Variants in TGS1 observed in about 807,000 individuals in gnomAD.
TGS1 encodes trimethylguanosine synthase 1, also known as trimethylguanosine synthase.
TGS1 carries 69 observed loss-of-function variants against 92.2 expected under a neutral mutation model. The ratio of observed to expected loss-of-function variants is 0.75; its 90% CI spans 0.62 to 0.91. TGS1 has a LOEUF of 0.91. TGS1 is among the 40% of genes least tolerant of loss of function. The pLI, the probability that TGS1 is intolerant of heterozygous loss-of-function variation, is 0.00. For synonymous variants in TGS1, 345 were observed against 338.1 expected (o/e 1.02, Z -0.22); for missense variants, 1,062 against 1,001.2 (o/e 1.06, Z -0.82).
At chr8:55,780,160 C>CTTTTTTTTTTTTTTTTTTTTTTTTT (rs56871302) in intron 1 of TGS1, among the ~76,000 whole-genome samples, 3 of 130,954 alleles carry the variant, frequency 2.3e-5, no homozygotes, top group Non-Finnish European at 3.2e-5. Flanking sequence ...TCTGGCATGG[C>CTTTTTTTTTTTTTTTTTTTTTTTTT]TTTTTTTTTT....
chr8:55,781,650 C>G (rs1811565071), intron 1 of TGS1, among the ~76,000 whole-genome samples: 2 of 152,204 alleles, frequency 1.3e-5, no homozygotes, highest in Non-Finnish European at 2.9e-5. Context: ...GCTGCCAAAG[C>G]ACATTTGCAC....
intron 12 of TGS1, among the ~76,000 whole-genome samples, chr8:55,821,283 A>C (rs781582006): frequency 1.3e-5 from 2 of 152,216 alleles, no homozygotes; most frequent in Non-Finnish European, 2.9e-5. Flanking sequence ...TCCCAGCCAG[A>C]ATGTAAAATT....
chr8:55,824,746 A>C lies in TGS1; in HGVS notation c.*43A>C. ...GACAAAAGATCATGGAGTGGTCAAA[A>C]TATTCAGATGAGACATTTGGCATGT... On this transcript the variant is annotated 3_prime_UTR_variant, in exon 13 of 13. Coordinates refer to ENST00000260129, the MANE Select transcript of TGS1 (RefSeq NM_024831.8). The C allele has an allele frequency of 6.2e-7, 1 of 1,608,472 alleles. No individual in the cohort carries two copies. Among genetic ancestry groups the C allele is most frequent in the Non-Finnish European group, 8.5e-7 (1 of 1,176,688 alleles).
At chr8:55,818,494 T>TGGTG (rs1208524730) in intron 12 of TGS1, among the ~76,000 whole-genome samples, 1 of 152,208 alleles carries the variant, frequency 6.6e-6, no homozygotes, top group Non-Finnish European at 1.5e-5. Context: ...AATCAGTGCT[T>TGGTG]AATCATACAC....
Position 55,795,838 on chromosome 8 carries a change from A to G in TGS1, c.1368-140A>G. ...TCAACTCTTCTGCAAGTTGAACTTG[A>G]TTTTATCATTTTCATAATTTTAAAA... On this transcript the variant is annotated intron_variant, in intron 6 of 12. Transcript: ENST00000260129. The G allele has an allele frequency of 9.8e-6, 7 of 714,374 alleles. No homozygotes were observed. In the South Asian group the frequency reaches 1.2e-4, roughly 13 times the overall value. The allele number at this position is 714,374 out of a possible 1,614,324, so 44.3% of individuals were successfully genotyped here. A position where few individuals can be genotyped will look rare whatever the true frequency, so the allele number is the denominator to read the frequency against.
At chr8:55,811,401 G>T (rs1009978460) in intron 11 of TGS1, among the ~76,000 whole-genome samples, 1 of 152,072 alleles carries the variant, frequency 6.6e-6, no homozygotes, top group Admixed American at 6.5e-5. Flanking sequence ...GGCAGAGGTT[G>T]CAGTGATCTG....
At chr8:55,806,261 CAA>C (rs1160223711) in intron 10 of TGS1, among the ~76,000 whole-genome samples, 1 of 140,030 alleles carries the variant, frequency 7.1e-6, no homozygotes, top group East Asian at 2.2e-4. Context: ...GAGGCTGAGA[CAA>C]GAGAATCGCA....
chr8:55,797,909 A>G (rs190584181), intron 7 of TGS1, among the ~76,000 whole-genome samples: 7 of 152,234 alleles, frequency 4.6e-5, no homozygotes, highest in African/African-American at 1.7e-4. Flanking sequence ...CTACATATAT[A>G]TAGCTGGTTT....
chr8:55,784,452 A>G (rs1811653576), intron 2 of TGS1, among the ~76,000 whole-genome samples: 1 of 152,114 alleles, frequency 6.6e-6, no homozygotes, highest in East Asian at 1.9e-4. Context: ...AAGTAGCAGG[A>G]ACTACAGGCA....
At chr8:55,799,563 G>A (rs1432433465) in intron 8 of TGS1, among the ~76,000 whole-genome samples, 2 of 152,084 alleles carry the variant, frequency 1.3e-5, no homozygotes, top group Admixed American at 6.5e-5. Context: ...CGTATGTGGT[G>A]TAGCTTTGGT....
At chr8:55,805,751 G>A (rs1812347693) in intron 10 of TGS1, among the ~76,000 whole-genome samples, 1 of 151,984 alleles carries the variant, frequency 6.6e-6, no homozygotes, top group South Asian at 2.1e-4. Context: ...GGGCATGGTG[G>A]CATGCATCTG....
chr8:55,818,416 G>T (rs1803543263), intron 12 of TGS1, among the ~76,000 whole-genome samples: 1 of 152,158 alleles, frequency 6.6e-6, no homozygotes, highest in Admixed American at 6.5e-5. Flanking sequence ...AAAGTGCTGG[G>T]ATTACAGGTG....
At chr8:55,784,144 T>C (rs541652132) in intron 2 of TGS1, among the ~76,000 whole-genome samples, 25 of 152,322 alleles carry the variant, frequency 1.6e-4, no homozygotes, top group African/African-American at 6.0e-4. Flanking sequence ...CCAATGCTAA[T>C]TGAGTGTGCT....
At position 55,822,284 on chromosome 8, in the gene TGS1, A is replaced by G. The variant is rs143511615; in HGVS notation, c.2440-2297A>G. 3.7e-3 allele frequency among the ~76,000 whole-genome samples: 563 copies of G among 151,942 alleles called. 2 individuals carry two copies. Among genetic ancestry groups the G allele is most frequent in the Middle Eastern group, 0.01 (3 of 294 alleles). On this transcript the variant is annotated intron_variant, in intron 12 of 12. Coordinates refer to ENST00000260129, the MANE Select transcript of TGS1 (RefSeq NM_024831.8). ...ACGGGGTTTTACCTTGTTTGCCAGG[A>G]TGGTCTCGATCTCCTGACCTCGTGA... is the stretch of plus-strand genomic sequence containing the variant.
At chr8:55,810,155 T>G (rs1206630173) in intron 10 of TGS1, among the ~76,000 whole-genome samples, 1 of 152,242 alleles carries the variant, frequency 6.6e-6, no homozygotes, top group African/African-American at 2.4e-5. Context: ...ACGGTTACAC[T>G]TAGCCCTTTC....
chr8:55,803,948 C>A (rs1049116977), intron 9 of TGS1, among the ~76,000 whole-genome samples: 1 of 152,092 alleles, frequency 6.6e-6, no homozygotes, highest in Non-Finnish European at 1.5e-5. Flanking sequence ...CCCAGCACAT[C>A]ATTTTGTTCA....
rs768220739 is a variant in TGS1, at chr8:55,792,768, T to C, written c.1351T>C (p.Tyr451His). The C allele has an allele frequency of 1.9e-6, 3 of 1,613,114 alleles. No individual in the cohort carries two copies. The Admixed American group carries it at 5.0e-5, about 27-fold the overall frequency. Reference sequence around the variant, plus strand: ...CAGTGGTTCCCTTCTAGGATTCAAGTATGGCTCAGGACAAAAGTAATTATT... The same window carrying C: ...CAGTGGTTCCCTTCTAGGATTCAAGCATGGCTCAGGACAAAAGTAATTATT... ...DDSGSLLGFKYGSGQKYGGIP... is the reference protein window; with the variant it reads ...DDSGSLLGFKHGSGQKYGGIP... The change falls in exon 6 of 13, where the codon TAT (tyrosine) becomes CAT (histidine). Residue 451 changes from tyrosine (Y) to histidine (H), a missense_variant. Tyr to His is a moderately conservative substitution (Grantham distance 83, BLOSUM62 2). Transcript: ENST00000260129.
At chr8:55,806,365 AAAAAAAAAAAAAGAC>A (rs1812372422) in intron 10 of TGS1, among the ~76,000 whole-genome samples, 1 of 146,856 alleles carries the variant, frequency 6.8e-6, no homozygotes, top group Non-Finnish European at 1.5e-5. Context: ...TCAAAAAAAA[AAAAAAAAAAAAAGAC>A]AAAAGAAAAA....
chr8:55,807,758 T>A (rs1803212706), intron 10 of TGS1, among the ~76,000 whole-genome samples: 1 of 152,048 alleles, frequency 6.6e-6, no homozygotes, highest in African/African-American at 2.4e-5. Context: ...CTTAAACCCC[T>A]GGCTTTAAGC....
Sources: gnomAD v4.1 joint callset for allele counts (sites outside exome capture counted in the v4.1 genomes callset) on GRCh38, gnomAD v4.1.1 for gene constraint, MANE v1.5 for transcripts, NCBI Gene and HGNC (gene_info 2026-07-23, HGNC 2026-07-21) for gene names.